TUBB8: variants seen among roughly 807,000 people sequenced by gnomAD.
TUBB8 encodes tubulin beta-8 chain.
A neutral mutation model predicts 33.7 loss-of-function variants in TUBB8; 25 were observed. The ratio of observed to expected loss-of-function variants is 0.74; its 90% CI spans 0.54 to 1.04. The LOEUF is 1.04. Among genes scored for constraint, TUBB8 ranks in the 50% least tolerant of loss-of-function variants. The pLI is 0.00. For synonymous variants in TUBB8, 245 were observed against 240.1 expected, an observed-to-expected ratio of 1.02 and a Z score of -0.19; for missense variants, 279 against 608.0, an observed-to-expected ratio of 0.46 and a Z score of 5.69.
chr10:59,794 C>G (rs1211333975), intron 1 of TUBB8, among the ~76,000 whole-genome samples: 1 of 152,154 alleles, frequency 6.6e-6, no homozygotes, highest in Non-Finnish European at 1.5e-5. Flanking sequence ...TTTATTATGG[C>G]TTTAATTTTG....
At chr10:64,862 C>T (rs559954349) in intron 1 of TUBB8, among the ~76,000 whole-genome samples, 66 of 149,914 alleles carry the variant, frequency 4.4e-4, no homozygotes, top group Admixed American at 1.2e-3. Flanking sequence ...TGCAGGCTGG[C>T]GTGGTGGCTC....
chr10:70,930 A>G (rs1554742231), intron 1 of TUBB8, among the ~76,000 whole-genome samples: 1 of 151,436 alleles, frequency 6.6e-6, no homozygotes, highest in African/African-American at 2.4e-5. Flanking sequence ...AAAAATACAC[A>G]ACAAAATGGA....
At chr10:53,365 T>G (rs1834492076), upstream of TUBB8, among the ~76,000 whole-genome samples, 3 of 152,306 alleles carry the variant, frequency 2.0e-5, no homozygotes, top group South Asian at 6.2e-4. Flanking sequence ...TGACAACAAG[T>G]GATCTGCCCA....
chr10:50,591 T>C (rs1204634444), upstream of TUBB8, among the ~76,000 whole-genome samples: 7 of 152,218 alleles, frequency 4.6e-5, no homozygotes, highest in Non-Finnish European at 1.0e-4. Flanking sequence ...AGCAGCACTC[T>C]AACAAGCTCA....
chr10:59,078 T>G (rs1554740554), intron 1 of TUBB8, among the ~76,000 whole-genome samples: 1 of 152,230 alleles, frequency 6.6e-6, no homozygotes, highest in Non-Finnish European at 1.5e-5. Context: ...ATATGACTTT[T>G]ATTATGTTCA....
At chr10:63,370 T>C (rs12263837) in intron 1 of TUBB8, among the ~76,000 whole-genome samples, 16,000 of 114,982 alleles carry the variant, frequency 0.14, no homozygotes, top group African/African-American at 0.27. Context: ...GCCACTGCAC[T>C]GGGCCAATAA....
chr10:67,052 C>G (rs185796229), intron 1 of TUBB8, among the ~76,000 whole-genome samples: 166 of 152,158 alleles, frequency 1.1e-3, no homozygotes, highest in Non-Finnish European at 7.6e-4. Context: ...TTGATCTATT[C>G]AATGGATTAT....
At position 47,843 on chromosome 10, in the gene TUBB8, G is replaced by A; in HGVS notation, c.549C>T (p.Tyr183=). The change falls in exon 4 of 4, where the codon TAC becomes TAT. Residue 183 remains tyrosine (Y), a synonymous_variant. Coordinates refer to ENST00000568584, the MANE Select transcript of TUBB8 (RefSeq NM_177987.3). ...GCTGGTGGACTGAGAGGGTGGCGTT[G>A]TAGGGCTCCACCACGGTGTCCGACA... ...PKVSDTVVEP[Y]NATLSVHQLI... 6.2e-7 allele frequency: 1 copy of A among 1,614,244 alleles called. No individual in the cohort carries two copies. Among genetic ancestry groups the A allele is most frequent in the South Asian group, 1.1e-5 (1 of 91,088 alleles).
chr10:48,477 T>G (rs1834401800), intron 3 of TUBB8, 138 bp downstream of exon 3: 3 of 831,214 alleles, frequency 3.6e-6, no homozygotes, highest in Non-Finnish European at 6.0e-6. Context: ...AGAGGCAGAT[T>G]GAGCGACTCG....
chr10:55,562 C>G (rs2130938692), intron 1 of TUBB8, among the ~76,000 whole-genome samples: 1 of 152,298 alleles, frequency 6.6e-6, no homozygotes, highest in African/African-American at 2.4e-5. Flanking sequence ...AATTTTTGCT[C>G]AAACCATGCC....
intron 3 of TUBB8, chr10:48,413 G>A (rs1486857684): frequency 6.1e-6 from 4 of 652,090 alleles, no homozygotes; most frequent in Non-Finnish European, 1.1e-5. Flanking sequence ...GTTTACATCA[G>A]TAACTCCTCA....
chr10:73,418 A>C (rs1183090065), intron 1 of TUBB8, among the ~76,000 whole-genome samples: 2 of 152,220 alleles, frequency 1.3e-5, no homozygotes, highest in African/African-American at 4.8e-5. Flanking sequence ...AGGTGGGTGA[A>C]TCACCTGATG....
chr10:63,687 C>T (rs1251616657), intron 1 of TUBB8, among the ~76,000 whole-genome samples: 2 of 151,750 alleles, frequency 1.3e-5, no homozygotes, highest in African/African-American at 2.4e-5. Flanking sequence ...TTTTGAATTC[C>T]TTCTCTGTGT....
At chr10:76,265 C>T (rs1265617667), upstream of TUBB8, among the ~76,000 whole-genome samples, 1 of 152,070 alleles carries the variant, frequency 6.6e-6, no homozygotes, top group Non-Finnish European at 1.5e-5. Flanking sequence ...CACGTTCCTC[C>T]TCCTCTCCGG....
At chr10:53,143 T>C (rs1420733070), upstream of TUBB8, among the ~76,000 whole-genome samples, 1 of 152,208 alleles carries the variant, frequency 6.6e-6, no homozygotes, top group Non-Finnish European at 1.5e-5. Context: ...ATTATTATTA[T>C]TTTGAGACAG....
At chr10:74,745 G>A (rs1834787403), upstream of TUBB8, among the ~76,000 whole-genome samples, 1 of 151,262 alleles carries the variant, frequency 6.6e-6, no homozygotes, top group East Asian at 2.0e-4. Context: ...GAGACTCCAG[G>A]CTAGGTGCAG....
intron 1 of TUBB8, among the ~76,000 whole-genome samples, chr10:57,730 A>C (rs1404730581): frequency 6.6e-6 from 1 of 152,216 alleles, no homozygotes; most frequent in Non-Finnish European, 1.5e-5. Context: ...TTTAGGCCTC[A>C]GGGTCTGTGA....
chr10:63,513 C>G (rs2130945698), intron 1 of TUBB8, among the ~76,000 whole-genome samples: 1 of 152,288 alleles, frequency 6.6e-6, no homozygotes, highest in Non-Finnish European at 1.5e-5. Context: ...CTGACTTTGT[C>G]TTTTCAAATA....
At position 49,271 on chromosome 10, in the gene TUBB8, G is replaced by T; in HGVS notation, c.-33C>A. 12 of 1,571,076 alleles carry T rather than the reference G, an allele frequency of 7.6e-6. No homozygotes were observed. Among genetic ancestry groups the T allele is most frequent in the Non-Finnish European group, 7.8e-6 (9 of 1,158,284 alleles). On this transcript the variant is annotated 5_prime_UTR_variant, in exon 1 of 4. Transcript: ENST00000568584. The stretch of plus-strand genomic sequence containing the variant: ...GCGGGATTAGGACGGCAGGAGAAAC[G>T]TGAGAAGGAGGAGCAGACGCGCAGC...
Sources: allele counts gnomAD v4.1 joint callset (sites outside exome capture counted in the v4.1 genomes callset), GRCh38; gene constraint gnomAD v4.1.1; transcripts MANE v1.5; gene names NCBI Gene and HGNC (gene_info 2026-07-23, HGNC 2026-07-21).